The following TSHZ2 variants were observed in gnomAD, a reference collection of about 807,000 sequenced individuals.
TSHZ2 encodes the protein teashirt zinc finger homeobox 2, also known as teashirt homolog 2.
In TSHZ2, 21 loss-of-function variants were observed where a neutral mutation model predicts 74.4. The observed-to-expected ratio is 0.28, with a 90% CI of 0.20 to 0.41. The LOEUF (loss-of-function observed/expected upper bound fraction) is 0.41, where lower values mean the gene tolerates loss of function less well. Among genes scored for constraint, TSHZ2 ranks in the 10% least tolerant of loss-of-function variants. The pLI is 1.00. For synonymous variants in TSHZ2, 540 were observed against 515.3 expected (o/e 1.05, Z -0.65); for missense variants, 1,244 against 1,293.5 (o/e 0.96, Z 0.59).
intron 2 of TSHZ2, among the ~76,000 whole-genome samples, chr20:53,311,002 G>T (rs969962396): frequency 5.3e-5 from 8 of 152,190 alleles, no homozygotes; most frequent in African/African-American, 1.9e-4. Context: ...CTGAAAATGA[G>T]TATACCATTA....
chr20:53,091,041 A>G (rs1200140995), intron 1 of TSHZ2, among the ~76,000 whole-genome samples: 1 of 152,248 alleles, frequency 6.6e-6, no homozygotes, highest in Non-Finnish European at 1.5e-5. Context: ...AAACTCTGAT[A>G]GCACACAGTG....
At chr20:52,993,205 T>G (rs1045049139) in intron 1 of TSHZ2, among the ~76,000 whole-genome samples, 2 of 152,176 alleles carry the variant, frequency 1.3e-5, no homozygotes, top group African/African-American at 4.8e-5. Context: ...ATAAATTTAT[T>G]TTTTTTCACA....
intron 1 of TSHZ2, among the ~76,000 whole-genome samples, chr20:53,242,495 C>G (rs1990094375): frequency 1.3e-5 from 2 of 152,106 alleles, no homozygotes; most frequent in Admixed American, 6.6e-5. Context: ...CTTGGTCCAC[C>G]TCATGTCAGA....
chr20:53,056,861 A>G (rs1236840943), intron 1 of TSHZ2, among the ~76,000 whole-genome samples: 1 of 152,122 alleles, frequency 6.6e-6, no homozygotes, highest in Non-Finnish European at 1.5e-5. Flanking sequence ...GAACCTTAGG[A>G]TCTGTCCAGT....
intron 1 of TSHZ2, among the ~76,000 whole-genome samples, chr20:53,019,307 A>C (rs1000250216): frequency 1.1e-4 from 16 of 152,192 alleles, no homozygotes; most frequent in African/African-American, 3.6e-4. Context: ...TTTATATCCA[A>C]ATATAGAATT....
At chr20:53,336,589 C>A (rs1979956837) in intron 2 of TSHZ2, among the ~76,000 whole-genome samples, 1 of 152,216 alleles carries the variant, frequency 6.6e-6, no homozygotes, top group African/African-American at 2.4e-5. Context: ...GAGGCCAACA[C>A]ACACCCATGT....
intron 1 of TSHZ2, among the ~76,000 whole-genome samples, chr20:53,187,062 A>G (rs937624149): frequency 3.9e-5 from 6 of 152,124 alleles, no homozygotes; most frequent in African/African-American, 1.4e-4. Context: ...GGAGGGAGCA[A>G]CCTAATCAAT....
At chr20:53,445,493 G>C (rs867084530) in intron 2 of TSHZ2, among the ~76,000 whole-genome samples, 1 of 152,202 alleles carries the variant, frequency 6.6e-6, no homozygotes, top group Non-Finnish European at 1.5e-5. Flanking sequence ...CCATGAGCTA[G>C]TGGAAAATGT....
chr20:53,085,890 A>G (rs1308992932), intron 1 of TSHZ2, among the ~76,000 whole-genome samples: 1 of 152,160 alleles, frequency 6.6e-6, no homozygotes, highest in African/African-American at 2.4e-5. Flanking sequence ...ATTAAACCAC[A>G]AGCCAGGCAG....
chr20:53,200,288 G>A (rs1988971070), intron 1 of TSHZ2, among the ~76,000 whole-genome samples: 1 of 152,114 alleles, frequency 6.6e-6, no homozygotes, highest in Non-Finnish European at 1.5e-5. Context: ...CCAACCAAGG[G>A]GTGGGTTTCC....
intron 2 of TSHZ2, among the ~76,000 whole-genome samples, chr20:53,342,580 G>A (rs945518979): frequency 6.6e-6 from 1 of 152,008 alleles, no homozygotes; most frequent in Non-Finnish European, 1.5e-5. Context: ...AAAGAAGCCC[G>A]TCCCTATTGT....
At chr20:53,136,210 A>G (rs1273612634) in intron 1 of TSHZ2, among the ~76,000 whole-genome samples, 1 of 152,018 alleles carries the variant, frequency 6.6e-6, no homozygotes. Flanking sequence ...TCCCATGTTA[A>G]CCCATTCATT....
intron 2 of TSHZ2, among the ~76,000 whole-genome samples, chr20:53,467,589 G>A (rs371552558): frequency 9.4e-4 from 143 of 152,258 alleles, no homozygotes; most frequent in African/African-American, 2.9e-3. Context: ...TTGCTGATGC[G>A]GAAACTGAGA....
At chr20:53,108,380 G>T (rs1391829808) in intron 1 of TSHZ2, among the ~76,000 whole-genome samples, 1 of 152,222 alleles carries the variant, frequency 6.6e-6, no homozygotes, top group Admixed American at 6.5e-5. Context: ...TTTTTTAAAT[G>T]AAAGGCTTGT....
intron 2 of TSHZ2, among the ~76,000 whole-genome samples, chr20:53,278,052 A>G (rs746078327): frequency 2.0e-5 from 3 of 152,210 alleles, no homozygotes; most frequent in Non-Finnish European, 4.4e-5. Flanking sequence ...AGCTCATATC[A>G]CAATGAGAAG....
At position 53,018,425 on chromosome 20, in the gene TSHZ2, G is replaced by A. The variant is rs529895320; in HGVS notation, c.40+45092G>A. Among the ~76,000 whole-genome samples the A allele has an allele frequency of 1.2e-4, 18 of 152,300 alleles. 1 individual carries two copies. The South Asian group carries it at 3.5e-3, about 30-fold the overall frequency. On this transcript the variant is annotated intron_variant, in intron 1 of 2. Coordinates refer to ENST00000371497, the MANE Select transcript of TSHZ2 (RefSeq NM_173485.6). ...CTGCTCCACTGCTAGTCCTGGAAAG[G>A]GGGTCTGGGTTTCCAGAATTCTGCA...
intron 1 of TSHZ2, among the ~76,000 whole-genome samples, chr20:53,246,925 A>G (rs574114931): frequency 3.3e-5 from 5 of 152,186 alleles, no homozygotes; most frequent in African/African-American, 4.8e-5. Flanking sequence ...AAAGCATTCC[A>G]ATTACCCGAA....
At chr20:53,284,749 G>C (rs1991133306) in intron 2 of TSHZ2, among the ~76,000 whole-genome samples, 1 of 144,508 alleles carries the variant, frequency 6.9e-6, no homozygotes, top group East Asian at 2.1e-4. Flanking sequence ...GGCAATAAGA[G>C]AGAGAAAGAG....
chr20:53,494,841 A>G lies in TSHZ2; in HGVS notation c.*7706A>G, dbSNP rs1600679940. On this transcript the variant is annotated 3_prime_UTR_variant, in exon 3 of 3. Coordinates refer to ENST00000371497, the MANE Select transcript of TSHZ2 (RefSeq NM_173485.6). ...TAACTCTTGCCTTTGTGTTGAAAAAAAAAAAGTCTCTTTTTTTTCCCCCAC... is the reference window on the plus strand; with the variant it reads ...TAACTCTTGCCTTTGTGTTGAAAAAGAAAAAGTCTCTTTTTTTTCCCCCAC... 1 of 152,134 alleles carries G rather than the reference A, an allele frequency of 6.6e-6. No homozygotes were observed. The highest frequency in any genetic ancestry group is 1.9e-4 in the East Asian group (1 of 5,200). 9.4% of individuals were successfully genotyped at this position (152,134 alleles called of 1,614,324 possible).
Sources: allele counts gnomAD v4.1 joint callset (sites outside exome capture counted in the v4.1 genomes callset), GRCh38; gene constraint gnomAD v4.1.1; transcripts MANE v1.5; gene names NCBI Gene and HGNC (gene_info 2026-07-23, HGNC 2026-07-21).